Variants in UGT2A2 observed in about 807,000 individuals in gnomAD.
The protein encoded by UGT2A2 is UDP-glucuronosyltransferase 2A2.
Under a neutral mutation model 50.7 loss-of-function variants are expected in UGT2A2, and 60 were observed. The observed-to-expected ratio is 1.18, with a 90% CI of 0.96 to 1.47. The LOEUF (loss-of-function observed/expected upper bound fraction) is 1.47. Ranked by LOEUF, UGT2A2 falls within the 40% of genes most tolerant of loss-of-function variation. UGT2A2 has a pLI of 0.00. For synonymous variants in UGT2A2, 242 were observed against 214.6 expected (o/e 1.13, Z -1.11); for missense variants, 762 against 634.0 (o/e 1.20, Z -2.17).
chr4:69,609,841 G>A (rs1719927297), intron 1 of UGT2A2, among the ~76,000 whole-genome samples: 1 of 152,156 alleles, frequency 6.6e-6, no homozygotes, highest in South Asian at 2.1e-4. Context: ...AGAATGTCAT[G>A]CTATAGTCAC....
chr4:69,616,631 A>G (rs1054034535), intron 1 of UGT2A2, among the ~76,000 whole-genome samples: 1 of 151,984 alleles, frequency 6.6e-6, no homozygotes, highest in South Asian at 2.1e-4. Context: ...TGGCTTACCC[A>G]TTCAATTAAT....
intron 5 of UGT2A2, among the ~76,000 whole-genome samples, 178 bp from the exon 6 acceptor site, chr4:69,589,829 A>G (rs1462468847): frequency 6.6e-6 from 1 of 152,226 alleles, no homozygotes; most frequent in Non-Finnish European, 1.5e-5. Context: ...AAAGGAAGAT[A>G]TGGATGAAAT....
At chr4:69,619,524 G>A (rs539691814) in intron 1 of UGT2A2, among the ~76,000 whole-genome samples, 2 of 151,912 alleles carry the variant, frequency 1.3e-5, no homozygotes, top group South Asian at 2.1e-4. Flanking sequence ...TAACGTTAAA[G>A]AAGACTCTAA....
chr4:69,607,543 G>T (rs1308939026), intron 1 of UGT2A2, among the ~76,000 whole-genome samples: 1 of 151,790 alleles, frequency 6.6e-6, no homozygotes, highest in African/African-American at 2.4e-5. Flanking sequence ...CAAAAGCAAT[G>T]GCAACAAAAG....
At chr4:69,601,387 C>G (rs1011832228) in intron 1 of UGT2A2, among the ~76,000 whole-genome samples, 2 of 152,080 alleles carry the variant, frequency 1.3e-5, no homozygotes, top group African/African-American at 4.8e-5. Context: ...CCTTCCCCGC[C>G]CCCCGGAGTA....
chr4:69,591,796 C>A (rs548535753), intron 5 of UGT2A2, among the ~76,000 whole-genome samples: 1 of 152,024 alleles, frequency 6.6e-6, no homozygotes, highest in Admixed American at 6.6e-5. Flanking sequence ...ACAGACTGTA[C>A]CTACACTGAT....
Position 69,639,567 on chromosome 4 carries a change from T to C in UGT2A2, c.74A>G (p.Glu25Gly). 1 of 1,610,728 alleles carries C rather than the reference T, an allele frequency of 6.2e-7. No individual in the cohort carries two copies. Among genetic ancestry groups the C allele is most frequent in the Non-Finnish European group, 8.5e-7 (1 of 1,178,826 alleles). Residue 25 changes from glutamate to glycine, a missense_variant, in exon 1 of 6, where the codon GAA (glutamate) becomes GGA (glycine). By Grantham distance (98) the Glu-to-Gly change is moderately conservative. Coordinates refer to ENST00000604629, the MANE Select transcript of UGT2A2 (RefSeq NM_001105677.2). The stretch of plus-strand genomic sequence containing the variant: ...TAACACATTCCCACTTAGAACAACT[T>C]CAGTCAGAGTCAAATTAAAAACCAG... ...QMLVFNLTLTEVVLSGNVLIW... is the reference protein window; with the variant it reads ...QMLVFNLTLTGVVLSGNVLIW...
In UGT2A2 at chr4:69,594,469, G is replaced by A. The variant is rs1386551989; in HGVS notation, c.1331+8C>T. 1.2e-6 allele frequency: 2 copies of A among 1,613,842 alleles called. No individual in the cohort carries two copies. Among genetic ancestry groups the A allele is most frequent in the Non-Finnish European group, 1.7e-6 (2 of 1,179,970 alleles). Reference sequence around the variant, plus strand: ...GTTAGGCAAGTTTTTAGGAGCCTTAGTACTTACGAAGGTTCATTAATGACT... The same window carrying A: ...GTTAGGCAAGTTTTTAGGAGCCTTAATACTTACGAAGGTTCATTAATGACT... On this transcript the variant is annotated splice_region_variant and intron_variant, in intron 5 of 5. Transcript: ENST00000604629.
intron 1 of UGT2A2, among the ~76,000 whole-genome samples, chr4:69,637,916 C>T (rs1307093288): frequency 1.5e-5 from 2 of 136,404 alleles, no homozygotes; most frequent in African/African-American, 5.8e-5. Context: ...GGAAGGCAGG[C>T]AGGCAGGCAG....
At chr4:69,599,543 G>A (rs1719136687) in intron 1 of UGT2A2, 149 bp from the exon 2 acceptor site, 9 of 1,128,902 alleles carry the variant, frequency 8.0e-6, no homozygotes, top group Non-Finnish European at 1.1e-5. Flanking sequence ...ATATTAAGAA[G>A]AAGGAGAAAT....
At chr4:69,607,572 A>G (rs1431986609) in intron 1 of UGT2A2, among the ~76,000 whole-genome samples, 3 of 152,088 alleles carry the variant, frequency 2.0e-5, no homozygotes, top group African/African-American at 7.2e-5. Context: ...GACAAATGGG[A>G]TCTAATTAAA....
At chr4:69,612,067 C>T (rs1170928661) in intron 1 of UGT2A2, among the ~76,000 whole-genome samples, 5 of 152,082 alleles carry the variant, frequency 3.3e-5, no homozygotes, top group African/African-American at 9.6e-5. Flanking sequence ...GCTAGAAAAG[C>T]ATCTTGGAAG....
chr4:69,594,950 T>C (rs1400840925), intron 4 of UGT2A2, among the ~76,000 whole-genome samples: 3 of 152,188 alleles, frequency 2.0e-5, no homozygotes, highest in Admixed American at 2.0e-4. Context: ...ACTTGAAGTG[T>C]GATTAATGTT....
intron 1 of UGT2A2, among the ~76,000 whole-genome samples, chr4:69,621,550 G>A (rs958440269): frequency 1.3e-5 from 2 of 151,762 alleles, no homozygotes; most frequent in African/African-American, 4.8e-5. Flanking sequence ...TAAATGGTTG[G>A]TAGAAGGGTA....
rs760710550 is a variant in UGT2A2, at chr4:69,595,189, CAA to C, written c.1082_1083del (p.Phe361Ter). ...AGAAGATCATTCTGGGGTATCCAAT[CAA>C]AGAGCTGAGTATTGTTTCCTAATGT... ...PATLGNNTQLFDWIPQNDLLG... is the reference protein window; with the variant it reads ...PATLGNNTQLXDWIPQNDLLG... On this transcript the variant is annotated frameshift_variant, in exon 4 of 6. Transcript: ENST00000604629. LOFTEE classifies it high-confidence loss of function. 1.2e-6 allele frequency: 2 copies of C among 1,613,836 alleles called. No individual in the cohort carries two copies. Among genetic ancestry groups the C allele is most frequent in the African/African-American group, 2.7e-5 (2 of 75,026 alleles).
intron 1 of UGT2A2, among the ~76,000 whole-genome samples, chr4:69,623,523 A>G (rs974723700): frequency 1.3e-5 from 2 of 151,620 alleles, no homozygotes; most frequent in Admixed American, 6.6e-5. Context: ...TTAACAGAAT[A>G]GTTTATATAA....
chr4:69,620,739 C>T (rs1720702497), intron 1 of UGT2A2, among the ~76,000 whole-genome samples: 1 of 149,856 alleles, frequency 6.7e-6, no homozygotes, highest in Non-Finnish European at 1.5e-5. Context: ...CAACTTTAAA[C>T]TATACTACAG....
intron 1 of UGT2A2, 85 bp from the exon 2 acceptor site, chr4:69,599,479 T>A (rs566140671): frequency 1.2e-4 from 191 of 1,565,438 alleles, no homozygotes; most frequent in Middle Eastern, 6.9e-4. Flanking sequence ...AATTTCCTGA[T>A]AAGCTGTTAA....
Position 69,599,432 on chromosome 4 carries a change from C to A in UGT2A2, c.743-38G>T, listed in dbSNP as rs748197737. 4 of 1,601,474 alleles carry A rather than the reference C, an allele frequency of 2.5e-6. No homozygotes were observed. In the African/African-American group the frequency reaches 5.4e-5, roughly 22 times the overall value. On this transcript the variant is annotated intron_variant, in intron 1 of 5. Coordinates refer to ENST00000604629, the MANE Select transcript of UGT2A2 (RefSeq NM_001105677.2). The stretch of plus-strand genomic sequence containing the variant: ...TAACAAGTTGGATGGAGGAAATTAG[C>A]TTATATGTTTGCTGAGGAGAAAAAA...
Sources: gnomAD v4.1 joint callset for allele counts (sites outside exome capture counted in the v4.1 genomes callset) on GRCh38, gnomAD v4.1.1 for gene constraint, MANE v1.5 for transcripts, NCBI Gene and HGNC (gene_info 2026-07-23, HGNC 2026-07-21) for gene names.